The following SPOCK1 variants were observed in gnomAD, a reference collection of about 807,000 sequenced individuals.
SPOCK1 encodes the protein SPARC (osteonectin), cwcv and kazal like domains proteoglycan 1, also known as testican-1.
A neutral mutation model predicts 55.3 loss-of-function variants in SPOCK1; 23 were observed. That is an observed-to-expected ratio of 0.42 (90% CI 0.30 to 0.59). SPOCK1 has a LOEUF of 0.59. Ranked by LOEUF, SPOCK1 falls within the 20% of genes least tolerant of loss-of-function variation. SPOCK1 has a pLI of 0.22. For missense variants in SPOCK1, 499 were observed against 552.5 expected, an observed-to-expected ratio of 0.90 and a Z score of 0.97; for synonymous variants, 226 against 221.0, an observed-to-expected ratio of 1.02 and a Z score of -0.20.
intron 2 of SPOCK1, among the ~76,000 whole-genome samples, chr5:137,446,477 T>G (rs56324707): frequency 6.6e-6 from 1 of 152,096 alleles, no homozygotes; most frequent in East Asian, 1.9e-4. Context: ...CTCAGCAGGA[T>G]CCCACAGGTG....
chr5:137,321,448 AAG>A (rs982918399), intron 2 of SPOCK1, among the ~76,000 whole-genome samples: 45 of 152,244 alleles, frequency 3.0e-4, no homozygotes, highest in African/African-American at 1.1e-3. Context: ...AGGTTAGACA[AAG>A]AGAGAATTTT....
At chr5:137,175,177 C>T (rs1754831493) in intron 3 of SPOCK1, among the ~76,000 whole-genome samples, 1 of 152,180 alleles carries the variant, frequency 6.6e-6, no homozygotes, top group African/African-American at 2.4e-5. Context: ...CTGCACCAGG[C>T]ATGAAGCCTT....
chr5:137,101,064 C>T (rs1391465673), intron 5 of SPOCK1, among the ~76,000 whole-genome samples: 1 of 152,154 alleles, frequency 6.6e-6, no homozygotes, highest in African/African-American at 2.4e-5. Flanking sequence ...TGAGCCCTAC[C>T]TACATCTTGG....
chr5:137,063,883 C>T (rs534364683), intron 6 of SPOCK1, among the ~76,000 whole-genome samples: 2 of 152,324 alleles, frequency 1.3e-5, no homozygotes, highest in East Asian at 3.9e-4. Flanking sequence ...CTTGGTCTAA[C>T]AGAACAGATC....
chr5:137,445,529 C>T (rs1753106024), intron 2 of SPOCK1, among the ~76,000 whole-genome samples: 1 of 152,182 alleles, frequency 6.6e-6, no homozygotes, highest in South Asian at 2.1e-4. Flanking sequence ...TGAAGAGTAT[C>T]ATACAAGTGT....
chr5:137,259,813 C>T (rs1488762037), intron 3 of SPOCK1, among the ~76,000 whole-genome samples: 1 of 152,022 alleles, frequency 6.6e-6, no homozygotes, highest in East Asian at 1.9e-4. Context: ...CTCTACAGCT[C>T]ACAGTGTCCC....
intron 5 of SPOCK1, among the ~76,000 whole-genome samples, chr5:137,072,701 C>T (rs1207702815): frequency 6.6e-6 from 1 of 152,214 alleles, no homozygotes; most frequent in Admixed American, 6.5e-5. Flanking sequence ...CATTTCTCTA[C>T]CACACCACAC....
rs373099310 is a variant in SPOCK1, at chr5:137,033,428, G to A, written c.589+34287C>T. ...TTTCCTTTCTATTGAAATGCCCCAC[G>A]TCTGTGAAGCCCAGCCCCCAAGGAA... On this transcript the variant is annotated intron_variant, in intron 6 of 10. Coordinates refer to ENST00000394945, the MANE Select transcript of SPOCK1 (RefSeq NM_004598.4). Among the ~76,000 whole-genome samples the A allele has an allele frequency of 9.9e-5, 15 of 152,174 alleles. No homozygotes were observed. The East Asian group carries it at 1.7e-3, about 18-fold the overall frequency.
chr5:137,447,614 C>A (rs201909290), intron 2 of SPOCK1, among the ~76,000 whole-genome samples: 3 of 19,088 alleles, frequency 1.6e-4, no homozygotes, highest in Admixed American at 1.5e-3. Context: ...TTCCCCCCCC[C>A]AATATATGAC....
intron 3 of SPOCK1, among the ~76,000 whole-genome samples, chr5:137,156,875 G>A (rs1375779543): frequency 6.6e-6 from 1 of 152,122 alleles, no homozygotes; most frequent in Non-Finnish European, 1.5e-5. Context: ...GCCATGAAGA[G>A]TGGATCCACT....
intron 2 of SPOCK1, among the ~76,000 whole-genome samples, chr5:137,410,654 C>T (rs1280398750): frequency 6.6e-6 from 1 of 152,246 alleles, no homozygotes; most frequent in Non-Finnish European, 1.5e-5. Context: ...CACTGGACAG[C>T]TCTCTTTGCC....
chr5:137,350,044 A>T (rs1046096975), intron 2 of SPOCK1, among the ~76,000 whole-genome samples: 4 of 152,176 alleles, frequency 2.6e-5, no homozygotes, highest in African/African-American at 7.2e-5. Flanking sequence ...TGCTAAGATC[A>T]GAAGAAAAAT....
chr5:137,117,475 T>C (rs764495956), intron 4 of SPOCK1, among the ~76,000 whole-genome samples: 11 of 152,164 alleles, frequency 7.2e-5, no homozygotes, highest in Non-Finnish European at 1.5e-4. Flanking sequence ...ATATACTATG[T>C]ACTCCTTAAG....
At position 137,173,020 on chromosome 5, in the gene SPOCK1, A is replaced by G. The variant is rs184671757; in HGVS notation, c.233-32326T>C. 2.0e-4 allele frequency among the ~76,000 whole-genome samples: 31 copies of G among 152,194 alleles called. 1 individual carries two copies. In the Middle Eastern group the frequency reaches 0.02, roughly 100 times the overall value. On this transcript the variant is annotated intron_variant, in intron 3 of 10. Transcript: ENST00000394945. ...ATCCATCTTTTTTATCCCCTACCCAATATCTAACTCCCTTTCTTCTTGCCC... is the reference window on the plus strand; with the variant it reads ...ATCCATCTTTTTTATCCCCTACCCAGTATCTAACTCCCTTTCTTCTTGCCC...
At position 136,979,258 on chromosome 5, in the gene SPOCK1, C is replaced by T. The variant is rs1224435684; in HGVS notation, c.1129+74G>A. On this transcript the variant is annotated intron_variant, in intron 10 of 10. Coordinates refer to ENST00000394945, the MANE Select transcript of SPOCK1 (RefSeq NM_004598.4). Reference sequence around the variant, plus strand: ...GGAGTTACCTCTCAACATTCTTCTGCAGAGATCCTTATGCAGTGAGGAACC... The same window carrying T: ...GGAGTTACCTCTCAACATTCTTCTGTAGAGATCCTTATGCAGTGAGGAACC... 25 of 1,589,448 alleles carry T rather than the reference C, an allele frequency of 1.6e-5. 1 individual carries two copies. Among genetic ancestry groups the T allele is most frequent in the Non-Finnish European group, 2.1e-5 (25 of 1,164,968 alleles).
At chr5:136,999,117 T>C (rs978899695) in intron 6 of SPOCK1, among the ~76,000 whole-genome samples, 1 of 152,130 alleles carries the variant, frequency 6.6e-6, no homozygotes, top group Non-Finnish European at 1.5e-5. Context: ...CAGACAGTGT[T>C]CAAACATAGC....
intron 2 of SPOCK1, among the ~76,000 whole-genome samples, chr5:137,304,363 G>T (rs921941974): frequency 4.6e-5 from 7 of 152,176 alleles, no homozygotes; most frequent in African/African-American, 1.4e-4. Flanking sequence ...GTAAACAGCA[G>T]CTCACAAGCC....
chr5:137,406,672 G>A (rs982158341), intron 2 of SPOCK1, among the ~76,000 whole-genome samples: 5 of 152,164 alleles, frequency 3.3e-5, no homozygotes, highest in African/African-American at 9.7e-5. Context: ...GTCTCACAGC[G>A]GCCCTCAGAG....
chr5:136,992,636 G>A, intron 6 of SPOCK1, 36 bp from the exon 7 acceptor site: 1 of 1,547,332 alleles, frequency 6.5e-7, no homozygotes, highest in Non-Finnish European at 8.8e-7. Flanking sequence ...AATGGGGCTG[G>A]GGGCTTTCTG....
Sources: gnomAD v4.1 joint callset for allele counts (sites outside exome capture counted in the v4.1 genomes callset) on GRCh38, gnomAD v4.1.1 for gene constraint, MANE v1.5 for transcripts, NCBI Gene and HGNC (gene_info 2026-07-23, HGNC 2026-07-21) for gene names.